The following PLB1 variants were observed in gnomAD, a reference collection of about 807,000 sequenced individuals.
PLB1 encodes phospholipase B1, membrane-associated.
Under a neutral mutation model 227.4 loss-of-function variants are expected in PLB1, and 242 were observed. The observed-to-expected ratio is 1.06, with a 90% CI of 0.96 to 1.18. The LOEUF (loss-of-function observed/expected upper bound fraction) is 1.18, where lower values mean the gene tolerates loss of function less well. Among genes scored for constraint, PLB1 ranks in the 50% most tolerant of loss-of-function variants. The pLI, the probability that PLB1 is intolerant of heterozygous loss-of-function variation, is 0.00. For missense variants in PLB1, 1,858 were observed against 1,816.3 expected, an observed-to-expected ratio of 1.02 and a Z score of -0.42; for synonymous variants, 757 against 682.2, an observed-to-expected ratio of 1.11 and a Z score of -1.71.
intron 43 of PLB1, among the ~76,000 whole-genome samples, chr2:28,609,025 C>T (rs1248549250): frequency 6.6e-6 from 1 of 152,164 alleles, no homozygotes; most frequent in East Asian, 1.9e-4. Flanking sequence ...AAGCCATCCT[C>T]CCACCTCAGC....
chr2:28,526,300 A>G (rs187325317), intron 6 of PLB1, among the ~76,000 whole-genome samples: 12 of 152,068 alleles, frequency 7.9e-5, no homozygotes, highest in African/African-American at 2.9e-4. Context: ...ATCCAGGGAA[A>G]ATGCCCGTGG....
Position 28,529,408 on chromosome 2 carries a change from G to A in PLB1, c.416+1G>A. The A allele has an allele frequency of 1.3e-6, 2 of 1,591,336 alleles. No individual in the cohort carries two copies. Among genetic ancestry groups the A allele is most frequent in the East Asian group, 2.2e-5 (1 of 44,768 alleles). ...GAGTCATACCCCACGATGGTGCTGA[G>A]TAAGTTCCCTTTCTGTCTCTCTCTG... On this transcript the variant is annotated splice_donor_variant, in intron 7 of 57. Transcript: ENST00000327757. LOFTEE classifies it high-confidence loss of function.
intron 29 of PLB1, 96 bp from the exon 30 acceptor site, chr2:28,591,037 C>T (rs368046876): frequency 8.5e-5 from 127 of 1,492,160 alleles, no homozygotes; most frequent in Admixed American, 2.0e-4. Context: ...GCAGGCAGGC[C>T]GCAGCTGTTT....
intron 25 of PLB1, 129 bp from the exon 26 acceptor site, chr2:28,585,632 C>T: frequency 1.3e-6 from 1 of 771,902 alleles, no homozygotes; most frequent in Non-Finnish European, 2.2e-6. Flanking sequence ...AGCCAGGCTC[C>T]TCATTAGCAC....
chr2:28,567,559 C>T (rs984760231), intron 20 of PLB1, among the ~76,000 whole-genome samples: 23 of 148,374 alleles, frequency 1.6e-4, no homozygotes, highest in African/African-American at 2.8e-4. Context: ...TTGCAACCTC[C>T]GCCTCCCTGG....
intron 20 of PLB1, 113 bp from the exon 21 acceptor site, chr2:28,573,084 G>C (rs1678283152): frequency 9.1e-6 from 7 of 772,208 alleles, no homozygotes; most frequent in Non-Finnish European, 1.5e-5. Flanking sequence ...TGGGGTAAGA[G>C]TAGGGGCTGC....
At chr2:28,527,189 A>AT (rs1399209247) in intron 6 of PLB1, among the ~76,000 whole-genome samples, 1 of 152,058 alleles carries the variant, frequency 6.6e-6, no homozygotes, top group Non-Finnish European at 1.5e-5. Flanking sequence ...GTTCGTCTCA[A>AT]TTTTTCCTCC....
chr2:28,574,446 G>T, intron 21 of PLB1, among the ~76,000 whole-genome samples: 1 of 138,026 alleles, frequency 7.2e-6, no homozygotes, highest in Admixed American at 7.7e-5. Flanking sequence ...ACAGTAGTGT[G>T]ATCTCAGCTC....
chr2:28,530,672 C>G (rs1311601719), intron 8 of PLB1, among the ~76,000 whole-genome samples: 1 of 152,224 alleles, frequency 6.6e-6, no homozygotes, highest in Non-Finnish European at 1.5e-5. Context: ...GGGCAAGTAT[C>G]AAACCAAGGC....
intron 41 of PLB1, among the ~76,000 whole-genome samples, chr2:28,605,321 A>C (rs541687187): frequency 6.6e-6 from 1 of 152,294 alleles, no homozygotes; most frequent in South Asian, 2.1e-4. Flanking sequence ...CTGGGCTGCC[A>C]TCCCAAGAGC....
intron 33 of PLB1, 37 bp from the exon 34 acceptor site, chr2:28,597,968 T>C: frequency 3.8e-6 from 6 of 1,590,556 alleles, no homozygotes; most frequent in Non-Finnish European, 5.2e-6. Flanking sequence ...CCAATATGTC[T>C]CTCCCTCTCA....
At chr2:28,595,916 G>C (rs1682830064) in intron 33 of PLB1, 1 of 152,316 alleles carries the variant, frequency 6.6e-6, no homozygotes, top group South Asian at 2.1e-4. Flanking sequence ...TGACCTGTGA[G>C]ATTCTGTAGT....
intron 33 of PLB1, among the ~76,000 whole-genome samples, chr2:28,597,264 G>GAA (rs57713254): frequency 0.052 from 4,456 of 85,386 alleles, 129 homozygotes; most frequent in Non-Finnish European, 0.076. Flanking sequence ...ACTCCGTCTC[G>GAA]AAAAAAAAAA....
intron 56 of PLB1, among the ~76,000 whole-genome samples, chr2:28,639,878 A>G (rs1689780997): frequency 6.6e-6 from 1 of 152,136 alleles, no homozygotes; most frequent in South Asian, 2.1e-4. Context: ...TCAGGACAGG[A>G]TGTCATGCCT....
At chr2:28,505,602 T>C (rs1247386082) in intron 1 of PLB1, among the ~76,000 whole-genome samples, 2 of 152,106 alleles carry the variant, frequency 1.3e-5, no homozygotes, top group Non-Finnish European at 2.9e-5. Flanking sequence ...CTGGGTGAAC[T>C]CATTGAGTGA....
intron 55 of PLB1, among the ~76,000 whole-genome samples, chr2:28,632,636 A>G (rs2148342849): frequency 6.6e-6 from 1 of 152,020 alleles, no homozygotes; most frequent in Admixed American, 6.5e-5. Context: ...AAAATACAAA[A>G]AGTTAGCTGG....
At chr2:28,624,649 C>A (rs1256906622) in intron 49 of PLB1, among the ~76,000 whole-genome samples, 1 of 152,162 alleles carries the variant, frequency 6.6e-6, no homozygotes, top group Non-Finnish European at 1.5e-5. Flanking sequence ...TTAAAGGAGT[C>A]ATTAAGCCTG....
At position 28,592,651 on chromosome 2, in the gene PLB1, G is replaced by A. The variant is rs72850431; in HGVS notation, c.2189-10G>A. 1.4e-3 allele frequency: 2,223 copies of A among 1,614,160 alleles called. 21 individuals carry two copies. In the African/African-American group the frequency reaches 0.026, roughly 19 times the overall value. On this transcript the variant is annotated splice_polypyrimidine_tract_variant and intron_variant, in intron 31 of 57. Coordinates refer to ENST00000327757, the MANE Select transcript of PLB1 (RefSeq NM_153021.5). ...CCTGCAGCCCTAAGTGTGTCCACTT[G>A]TCTTTCCAGTGCATGCCCTGAGACC...
intron 26 of PLB1, among the ~76,000 whole-genome samples, chr2:28,586,435 G>A (rs901684907): frequency 6.6e-6 from 1 of 152,218 alleles, no homozygotes; most frequent in African/African-American, 2.4e-5. Flanking sequence ...GACCAGAACA[G>A]CTGACTCCCT....
Sources: allele counts gnomAD v4.1 joint callset (sites outside exome capture counted in the v4.1 genomes callset), GRCh38; gene constraint gnomAD v4.1.1; transcripts MANE v1.5; gene names NCBI Gene and HGNC (gene_info 2026-07-23, HGNC 2026-07-21).